OTUD4: variants seen among roughly 807,000 people sequenced by gnomAD.
The protein encoded by OTUD4 is OTU deubiquitinase 4, also known as OTU domain-containing protein 4.
In OTUD4, 24 loss-of-function variants were observed where a neutral mutation model predicts 130.4. The ratio of observed to expected loss-of-function variants is 0.18; its 90% CI spans 0.13 to 0.26. The LOEUF (loss-of-function observed/expected upper bound fraction) is 0.26, where lower values mean the gene tolerates loss of function less well. Ranked by LOEUF, OTUD4 falls within the 10% of genes least tolerant of loss-of-function variation. The pLI is 1.00. For missense variants in OTUD4, 1,031 were observed against 1,329.4 expected, an observed-to-expected ratio of 0.78 and a Z score of 3.49; for synonymous variants, 420 against 472.5, an observed-to-expected ratio of 0.89 and a Z score of 1.44.
intron 7 of OTUD4, among the ~76,000 whole-genome samples, chr4:145,158,499 AAAC>A (rs1254446194): frequency 1.3e-5 from 2 of 151,392 alleles, no homozygotes; most frequent in East Asian, 3.9e-4. Flanking sequence ...AAACAAAACA[AAAC>A]AAAAAAAAAC....
intron 3 of OTUD4, chr4:145,170,749 C>T (rs1164898009): frequency 2.0e-5 from 3 of 152,208 alleles, no homozygotes; most frequent in Non-Finnish European, 4.4e-5. Context: ...CATTACATTC[C>T]CTTTACTCCT....
chr4:145,138,920 G>A (rs1321259361), intron 20 of OTUD4, among the ~76,000 whole-genome samples: 1 of 152,198 alleles, frequency 6.6e-6, no homozygotes, highest in Non-Finnish European at 1.5e-5. Flanking sequence ...ATCACTGACT[G>A]TTTAGCCAGA....
At chr4:145,139,467 T>C (rs554124722) in intron 20 of OTUD4, among the ~76,000 whole-genome samples, 87 of 152,354 alleles carry the variant, frequency 5.7e-4, no homozygotes, top group African/African-American at 2.1e-3. Flanking sequence ...TCTGCTCTTC[T>C]AGTCAACAAC....
chr4:145,151,601 C>CTA (rs1178063107), intron 11 of OTUD4, among the ~76,000 whole-genome samples: 2 of 152,064 alleles, frequency 1.3e-5, no homozygotes, highest in African/African-American at 2.4e-5. Context: ...CGCCATTGCA[C>CTA]TATAGCCTGG....
intron 10 of OTUD4, 105 bp from the exon 11 acceptor site, chr4:145,152,740 A>C: frequency 1.5e-6 from 1 of 646,988 alleles, no homozygotes; most frequent in Non-Finnish European, 2.7e-6. Flanking sequence ...TTCTTGAGAC[A>C]GGGTCTCACT....
intron 3 of OTUD4, among the ~76,000 whole-genome samples, chr4:145,168,920 G>A (rs972918528): frequency 1.3e-4 from 20 of 152,228 alleles, no homozygotes; most frequent in Admixed American, 1.3e-3. Flanking sequence ...GCTGGTAAAT[G>A]TATACACAGG....
chr4:145,173,009 T>A (rs1752252438), intron 2 of OTUD4, among the ~76,000 whole-genome samples: 1 of 152,210 alleles, frequency 6.6e-6, no homozygotes, highest in South Asian at 2.1e-4. Context: ...TTTCCAATTC[T>A]GGACAACTGA....
At chr4:145,156,818 G>A (rs1751318923) in intron 7 of OTUD4, among the ~76,000 whole-genome samples, 2 of 152,106 alleles carry the variant, frequency 1.3e-5, no homozygotes, top group African/African-American at 4.8e-5. Flanking sequence ...TCTACTATGT[G>A]CCATGCAGTG....
chr4:145,138,321 G>T lies in OTUD4; in HGVS notation c.2454C>A (p.Thr818=). ...LSYQADLESE[T]PGQLLHADYE... Reference sequence around the variant, plus strand: ...AATCAGCATGCAGAAGCTGCCCAGGGGTCTCAGATTCAAGATCAGCCTGGT... The same window carrying T: ...AATCAGCATGCAGAAGCTGCCCAGGTGTCTCAGATTCAAGATCAGCCTGGT... The change falls in exon 21 of 21, where the codon ACC becomes ACA. Residue 818 remains threonine (T), a synonymous_variant. Coordinates refer to ENST00000447906, the MANE Select transcript of OTUD4 (RefSeq NM_001366057.1). The T allele has an allele frequency of 6.2e-7, 1 of 1,614,032 alleles. No individual in the cohort carries two copies. Among genetic ancestry groups the T allele is most frequent in the Non-Finnish European group, 8.5e-7 (1 of 1,180,002 alleles).
At chr4:145,173,177 G>A (rs1752259439) in intron 2 of OTUD4, among the ~76,000 whole-genome samples, 1 of 152,196 alleles carries the variant, frequency 6.6e-6, no homozygotes, top group Non-Finnish European at 1.5e-5. Flanking sequence ...AGAGCATGAG[G>A]TCAGGAGATC....
In OTUD4 at chr4:145,155,481, A is replaced by T. The variant is rs1579263236; in HGVS notation, c.809-6T>A. 3 of 630,272 alleles carry T rather than the reference A, an allele frequency of 4.8e-6. No individual in the cohort carries two copies. The highest frequency in any genetic ancestry group is 1.2e-4 in the East Asian group (1 of 8,590). The allele number at this position is 630,272 out of a possible 1,614,324, so 39.0% of individuals were successfully genotyped here. A position where few individuals can be genotyped will look rare whatever the true frequency, so the allele number is the denominator to read the frequency against. On this transcript the variant is annotated splice_polypyrimidine_tract_variant and splice_region_variant and intron_variant, in intron 9 of 20. Transcript: ENST00000447906. ...ATAATCACGTTTTTGCTGAGCTGTT[A>T]AAAAAAAAAAGGTCAGTATAATATA... is the stretch of plus-strand genomic sequence containing the variant.
At position 145,142,301 on chromosome 4, in the gene OTUD4, C is replaced by T; in HGVS notation, c.1717G>A (p.Ala573Thr). ...PAEHVSLSNP[A>T]PLLVSPEVHL... The stretch of plus-strand genomic sequence containing the variant: ...ACCTCTGGAGAAACTAGAAGGGGAG[C>T]TGGATTTGACAAAGACACATGTTCT... Residue 573 changes from alanine to threonine, a missense_variant, in exon 18 of 21, where the codon GCT (alanine) becomes ACT (threonine). Transcript: ENST00000447906. 6.2e-7 allele frequency: 1 copy of T among 1,613,918 alleles called. No homozygotes were observed. Among genetic ancestry groups the T allele is most frequent in the Non-Finnish European group, 8.5e-7 (1 of 1,179,852 alleles).
chr4:145,167,145 C>T (rs549785216), intron 3 of OTUD4, among the ~76,000 whole-genome samples: 2 of 152,122 alleles, frequency 1.3e-5, no homozygotes, highest in East Asian at 1.9e-4. Context: ...AAACTTTTAC[C>T]GTAAGAATAT....
At chr4:145,160,654 A>G (rs36225454) in intron 6 of OTUD4, among the ~76,000 whole-genome samples, 5,142 of 152,200 alleles carry the variant, frequency 0.034, 113 homozygotes, top group Non-Finnish European at 0.055. Flanking sequence ...CTCTACTAAA[A>G]ATACACAAAT....
chr4:145,180,175 T>C lies in OTUD4; in HGVS notation c.-202A>G. 1 of 188,600 alleles carries C rather than the reference T, an allele frequency of 5.3e-6. No homozygotes were observed. Among genetic ancestry groups the C allele is most frequent in the East Asian group, 1.7e-4 (1 of 5,936 alleles). 11.7% of individuals were successfully genotyped at this position (188,600 alleles called of 1,614,324 possible). A position where few individuals can be genotyped will look rare whatever the true frequency, so the allele number is the denominator to read the frequency against. On this transcript the variant is annotated 5_prime_UTR_variant, in exon 1 of 21. Transcript: ENST00000447906. ...GGAAGCCCTGCCTAATGCATGGCTG[T>C]CCGCACGCGGCCGCCTCCTCGGAGC...
At chr4:145,143,560 T>G in intron 16 of OTUD4, 115 bp from the exon 17 acceptor site, 2 of 632,078 alleles carry the variant, frequency 3.2e-6, no homozygotes, top group Non-Finnish European at 5.5e-6. Flanking sequence ...CTCTCACCAC[T>G]GAGTATTTTT....
chr4:145,170,695 C>T (rs1244147743), intron 3 of OTUD4: 2 of 152,174 alleles, frequency 1.3e-5, no homozygotes, highest in South Asian at 4.1e-4. Flanking sequence ...TGTTAGGCAA[C>T]CAAATGGATA....
At chr4:145,174,253 G>A (rs1752316990) in intron 2 of OTUD4, among the ~76,000 whole-genome samples, 1 of 152,114 alleles carries the variant, frequency 6.6e-6, no homozygotes, top group Non-Finnish European at 1.5e-5. Flanking sequence ...TTACAGGTGT[G>A]AGCCACCATG....
intron 16 of OTUD4, among the ~76,000 whole-genome samples, 190 bp from the exon 17 acceptor site, chr4:145,143,635 T>C (rs1438452802): frequency 2.0e-5 from 3 of 152,180 alleles, no homozygotes; most frequent in African/African-American, 7.2e-5. Flanking sequence ...TACATCAAAC[T>C]ACTGGGCAGT....
Sources: allele counts gnomAD v4.1 joint callset (sites outside exome capture counted in the v4.1 genomes callset), GRCh38; gene constraint gnomAD v4.1.1; transcripts MANE v1.5; gene names NCBI Gene and HGNC (gene_info 2026-07-23, HGNC 2026-07-21).